Variants in NCOA6 observed in about 807,000 individuals in gnomAD.
The protein encoded by NCOA6 is NRC RAP250.
Under a neutral mutation model 171.4 loss-of-function variants are expected in NCOA6, and 49 were observed. The ratio of observed to expected loss-of-function variants is 0.29; its 90% CI spans 0.23 to 0.36. The LOEUF (loss-of-function observed/expected upper bound fraction) is 0.36, where lower values mean the gene tolerates loss of function less well. Ranked by LOEUF, NCOA6 falls within the 10% of genes least tolerant of loss-of-function variation. The probability of loss-of-function intolerance (pLI) is 1.00; values close to 1 mark genes in which losing one functional copy is unlikely to be tolerated. For synonymous variants in NCOA6, 910 were observed against 927.5 expected, an observed-to-expected ratio of 0.98 and a Z score of 0.34; for missense variants, 2,248 against 2,554.5, an observed-to-expected ratio of 0.88 and a Z score of 2.59.
At position 34,757,485 on chromosome 20, in the gene NCOA6, G is replaced by C; in HGVS notation, c.1263C>G (p.Pro421=). The C allele has an allele frequency of 6.2e-7, 1 of 1,613,912 alleles. No individual in the cohort carries two copies. The highest frequency in any genetic ancestry group is 8.5e-7 in the Non-Finnish European group (1 of 1,179,900). ...PSRVPTPLQQ[P]HLTNKSPASS... is the part of the protein sequence containing the mutation. ...AGGCAGGAGACTTGTTGGTGAGGTG[G>C]GGCTGCTGCAAGGGAGTTGGGACCC... Residue 421 remains proline, a synonymous_variant, in exon 7 of 15, where the codon CCC becomes CCG. Coordinates refer to ENST00000359003, the MANE Select transcript of NCOA6 (RefSeq NM_014071.5).
chr20:34,765,296 CA>C (rs1012969854), intron 5 of NCOA6, among the ~76,000 whole-genome samples: 52 of 141,498 alleles, frequency 3.7e-4, no homozygotes, highest in Admixed American at 3.6e-4. Flanking sequence ...ACTAAAAATA[CA>C]AAAAAAAAAA....
chr20:34,813,746 T>C (rs954905410), intron 1 of NCOA6, among the ~76,000 whole-genome samples: 3 of 152,126 alleles, frequency 2.0e-5, no homozygotes, highest in African/African-American at 7.2e-5. Context: ...TGTACTATTA[T>C]TCCTGGGGCT....
chr20:34,732,149 G>C (rs1372963557), intron 13 of NCOA6, among the ~76,000 whole-genome samples: 1 of 152,196 alleles, frequency 6.6e-6, no homozygotes, highest in Non-Finnish European at 1.5e-5. Flanking sequence ...AAAAGCATAG[G>C]TTTTGGGTCA....
chr20:34,774,036 T>A (rs2077234097), intron 4 of NCOA6, among the ~76,000 whole-genome samples: 1 of 152,270 alleles, frequency 6.6e-6, no homozygotes, highest in Admixed American at 6.5e-5. Flanking sequence ...GTTATCTATT[T>A]GCTTCCTTGC....
intron 3 of NCOA6, chr20:34,776,845 G>C: frequency 2.2e-6 from 1 of 446,038 alleles, no homozygotes; most frequent in South Asian, 1.6e-5. Flanking sequence ...TAAATTAATA[G>C]AATAGGCTCA....
chr20:34,755,731 A>G (rs1189074232), intron 7 of NCOA6, among the ~76,000 whole-genome samples: 2 of 152,032 alleles, frequency 1.3e-5, no homozygotes, highest in Non-Finnish European at 2.9e-5. Flanking sequence ...TCATTTATTT[A>G]TTTACTTTTA....
chr20:34,816,451 CA>C, intron 1 of NCOA6, among the ~76,000 whole-genome samples: 1 of 152,180 alleles, frequency 6.6e-6, no homozygotes, highest in East Asian at 1.9e-4. Flanking sequence ...CGCCATGTGA[CA>C]ACAGAGGCAA....
intron 5 of NCOA6, among the ~76,000 whole-genome samples, chr20:34,759,953 T>G (rs1181295094): frequency 6.6e-6 from 1 of 152,214 alleles, no homozygotes; most frequent in Non-Finnish European, 1.5e-5. Context: ...CTGATACTGC[T>G]AAACTTTTCA....
In NCOA6 at chr20:34,736,418, T is replaced by C. The variant is rs2075959644; in HGVS notation, c.5962+272A>G. Among the ~76,000 whole-genome samples the C allele has an allele frequency of 2.0e-5, 3 of 152,166 alleles. No homozygotes were observed. The East Asian group carries it at 5.8e-4, about 29-fold the overall frequency. ...AAACTCTGCAACAGAAACCCATGGCTGGGTGGCAGACAGACAATGGGCACG... is the reference window on the plus strand; with the variant it reads ...AAACTCTGCAACAGAAACCCATGGCCGGGTGGCAGACAGACAATGGGCACG... On this transcript the variant is annotated intron_variant, in intron 12 of 14. Coordinates refer to ENST00000359003, the MANE Select transcript of NCOA6 (RefSeq NM_014071.5).
At chr20:34,718,127 A>T (rs1988833570) in intron 14 of NCOA6, among the ~76,000 whole-genome samples, 1 of 152,232 alleles carries the variant, frequency 6.6e-6, no homozygotes, top group Non-Finnish European at 1.5e-5. Flanking sequence ...CAAACACACC[A>T]TTAAAAACCC....
In NCOA6 at chr20:34,757,742, C is replaced by T. The variant is rs997672145; in HGVS notation, c.1006G>A (p.Gly336Ser). The T allele has an allele frequency of 6.2e-7, 1 of 1,614,058 alleles. No homozygotes were observed. Among genetic ancestry groups the T allele is most frequent in the Non-Finnish European group, 8.5e-7 (1 of 1,180,012 alleles). ...CACCCTTGGTTTGCAGTCATTGTGC[C>T]CAGAGAACCCTGGGCTGGAGGAGGT... ...LQPPPAQGSLGTMTANQGWKK... is the reference protein window; with the variant it reads ...LQPPPAQGSLSTMTANQGWKK... The change falls in exon 7 of 15, where the codon GGC becomes AGC. Residue 336 changes from glycine (G) to serine (S), a missense_variant. By Grantham distance (56) the Gly-to-Ser change is moderately conservative (BLOSUM62 0). This residue lies in a region of NCOA6 where 987 missense variants were observed against 1,104.7 expected (regional missense o/e 0.89). Transcript: ENST00000359003.
rs896373688 is a variant in NCOA6 at position 34,825,546 on chromosome 20, GCGTC to G, written c.-242_-239del. On this transcript the variant is annotated 5_prime_UTR_variant, in exon 1 of 15. Transcript: ENST00000359003. ...GCCGTGCGTGCCCGCCGCCCTCGGT[GCGTC>G]CGTCCGTCAGTCCTCGCGTGCGCCC... 1 of 148,658 alleles carries G rather than the reference GCGTC, an allele frequency of 6.7e-6. No homozygotes were observed. Among genetic ancestry groups the G allele is most frequent in the Non-Finnish European group, 1.5e-5 (1 of 66,882 alleles). 9.2% of individuals were successfully genotyped at this position (148,658 alleles called of 1,614,324 possible).
chr20:34,730,831 C>T, intron 13 of NCOA6, among the ~76,000 whole-genome samples: 1 of 150,728 alleles, frequency 6.6e-6, no homozygotes, highest in Non-Finnish European at 1.5e-5. Flanking sequence ...CCTCCCACCT[C>T]AGCCTCCTAA....
In NCOA6 at chr20:34,806,740, T is replaced by C. The variant is rs183114769; in HGVS notation, c.-163-14177A>G. Among the ~76,000 whole-genome samples the C allele has an allele frequency of 4.1e-4, 63 of 152,330 alleles. 1 individual carries two copies. The highest frequency in any genetic ancestry group is 1.4e-3 in the African/African-American group (58 of 41,570). On this transcript the variant is annotated intron_variant, in intron 1 of 14. Coordinates refer to ENST00000359003, the MANE Select transcript of NCOA6 (RefSeq NM_014071.5). The stretch of plus-strand genomic sequence containing the variant: ...AACGTGTGGATTTATTTCTGGGTTC[T>C]CTATGGTGTTTCATTGGTCTATGTG...
At chr20:34,807,786 A>C (rs1482020231) in intron 1 of NCOA6, among the ~76,000 whole-genome samples, 3 of 151,002 alleles carry the variant, frequency 2.0e-5, no homozygotes, top group African/African-American at 7.3e-5. Context: ...CGGCCTCCCA[A>C]AGTGCTGGGA....
chr20:34,802,003 T>TA (rs1410513070), intron 1 of NCOA6, among the ~76,000 whole-genome samples: 1 of 152,164 alleles, frequency 6.6e-6, no homozygotes, highest in Non-Finnish European at 1.5e-5. Context: ...CTACTCGACC[T>TA]ATTCCAAAAA....
At position 34,727,303 on chromosome 20, in the gene NCOA6, C is replaced by T. The variant is rs762647829; in HGVS notation, c.6104G>A (p.Arg2035His). 6.4e-5 allele frequency: 103 copies of T among 1,614,086 alleles called. No individual in the cohort carries two copies. The highest frequency in any genetic ancestry group is 7.9e-5 in the Non-Finnish European group (93 of 1,180,042). The change falls in exon 14 of 15, where the codon CGT becomes CAT. Residue 2035 changes from arginine to histidine, a missense_variant. Transcript: ENST00000359003. ...TGAAGCAGGTCGAGAAGATCGTTTA[C>T]GATGTCCATTTTCCACACTTTCAGA... is the stretch of plus-strand genomic sequence containing the variant. ...VASESVENGHRKRSSRPASAS... is the reference protein window; with the variant it reads ...VASESVENGHHKRSSRPASAS...
At chr20:34,776,882 G>A in intron 3 of NCOA6, 2 of 408,436 alleles carry the variant, frequency 4.9e-6, no homozygotes, top group Non-Finnish European at 9.5e-6. Flanking sequence ...ACTTCGGGAG[G>A]CCGAGGCAGG....
chr20:34,766,784 G>C lies in NCOA6; in HGVS notation c.514+1680C>G, dbSNP rs76059323. Among the ~76,000 whole-genome samples the C allele has an allele frequency of 7.3e-3, 1,115 of 152,268 alleles. 13 individuals are homozygous for C. Among genetic ancestry groups the C allele is most frequent in the African/African-American group, 0.024 (1,014 of 41,550 alleles). On this transcript the variant is annotated intron_variant, in intron 5 of 14. Coordinates refer to ENST00000359003, the MANE Select transcript of NCOA6 (RefSeq NM_014071.5). ...ATATTAAGTCCTTTGGCCAGGAGTT[G>C]AGATTAGAACCCAGATTTCCTGATG...
Sources: allele counts gnomAD v4.1 joint callset (sites outside exome capture counted in the v4.1 genomes callset), GRCh38; gene constraint gnomAD v4.1.1; regional missense constraint gnomAD v4.1.1; transcripts MANE v1.5; gene names NCBI Gene and HGNC (gene_info 2026-07-23, HGNC 2026-07-21).